CYRIA: variants seen among roughly 807,000 people sequenced by gnomAD.
CYRIA encodes CYFIP-related Rac1 interactor A.
CYRIA carries 15 observed loss-of-function variants against 43.9 expected under a neutral mutation model. The ratio of observed to expected loss-of-function variants is 0.34; its 90% confidence interval spans 0.23 to 0.53. The LOEUF (loss-of-function observed/expected upper bound fraction) is 0.53, where lower values mean the gene tolerates loss of function less well. CYRIA is among the 20% of genes least tolerant of loss of function. The pLI, the probability that CYRIA is intolerant of heterozygous loss-of-function variation, is 0.94. For synonymous variants in CYRIA, 117 were observed against 136.0 expected (o/e 0.86, Z 0.97); for missense variants, 236 against 394.2 (o/e 0.60, Z 3.40).
At chr2:16,558,745 G>A (rs1234418938) in intron 10 of CYRIA, among the ~76,000 whole-genome samples, 4 of 152,134 alleles carry the variant, frequency 2.6e-5, no homozygotes, top group African/African-American at 9.7e-5. Flanking sequence ...GGTACTGTGT[G>A]AGGCAATAGA....
chr2:16,631,995 C>T (rs55986760), intron 1 of CYRIA, among the ~76,000 whole-genome samples: 5,766 of 152,304 alleles, frequency 0.038, 135 homozygotes, highest in Middle Eastern at 0.12. Flanking sequence ...CTGAGTCCCA[C>T]AGACCACCTC....
At chr2:16,561,654 G>T in intron 6 of CYRIA, 121 bp from the exon 7 acceptor site, 1 of 753,136 alleles carries the variant, frequency 1.3e-6, no homozygotes, top group Non-Finnish European at 2.2e-6. Flanking sequence ...TTACATAAGA[G>T]TCAAAGCAAC....
At chr2:16,608,515 C>T (rs755598113) in intron 2 of CYRIA, among the ~76,000 whole-genome samples, 10 of 152,132 alleles carry the variant, frequency 6.6e-5, no homozygotes, top group Non-Finnish European at 1.5e-4. Flanking sequence ...GTGTGGACCA[C>T]GGACTAAGCT....
chr2:16,611,099 C>T (rs1208088491), intron 2 of CYRIA, among the ~76,000 whole-genome samples: 1 of 151,754 alleles, frequency 6.6e-6, no homozygotes, highest in Non-Finnish European at 1.5e-5. Context: ...GTGGCTCACG[C>T]CTGTAATCCC....
chr2:16,559,708 C>T, intron 9 of CYRIA, 122 bp from the exon 10 acceptor site: 1 of 1,083,580 alleles, frequency 9.2e-7, no homozygotes, highest in Non-Finnish European at 1.3e-6. Flanking sequence ...AGACCTGCAA[C>T]AACCAGTTAA....
chr2:16,658,666 C>T (rs1357038095), intron 1 of CYRIA, among the ~76,000 whole-genome samples: 1 of 152,176 alleles, frequency 6.6e-6, no homozygotes, highest in Non-Finnish European at 1.5e-5. Flanking sequence ...CTCTTTCTTC[C>T]TCTTTTCCTG....
At chr2:16,612,340 G>A (rs1477393157) in intron 2 of CYRIA, among the ~76,000 whole-genome samples, 1 of 151,398 alleles carries the variant, frequency 6.6e-6, no homozygotes, top group Non-Finnish European at 1.5e-5. Context: ...ATAGGAAGAA[G>A]GAAGGAAGGA....
chr2:16,612,471 T>C (rs950950652), intron 2 of CYRIA, among the ~76,000 whole-genome samples: 4 of 152,178 alleles, frequency 2.6e-5, no homozygotes, highest in African/African-American at 9.7e-5. Context: ...AAAGATCTCA[T>C]GCTATGCTTG....
chr2:16,588,111 G>A lies in CYRIA; in HGVS notation c.9C>T (p.Asn3=). 1 of 1,604,982 alleles carries A rather than the reference G, an allele frequency of 6.2e-7. No individual in the cohort carries two copies. The highest frequency in any genetic ancestry group is 1.3e-5 in the African/African-American group (1 of 74,514). MG[N]LLKVLTREIE... The stretch of plus-strand genomic sequence containing the variant: ...TTTCCCTGGTAAGGACTTTGAGCAG[G>A]TTTCCCATCCCAGCAAACCTAGGAA... The change falls in exon 3 of 12, where the codon AAC becomes AAT. Residue 3 remains asparagine, a synonymous_variant. Coordinates refer to ENST00000381323, the MANE Select transcript of CYRIA (RefSeq NM_030797.4).
At chr2:16,631,428 G>A (rs1572190292) in intron 1 of CYRIA, among the ~76,000 whole-genome samples, 1 of 152,352 alleles carries the variant, frequency 6.6e-6, no homozygotes, top group East Asian at 1.9e-4. Context: ...GCTGTTGTCA[G>A]GCTGTGGAGG....
At chr2:16,581,794 T>C (rs1667558866) in intron 3 of CYRIA, among the ~76,000 whole-genome samples, 1 of 152,044 alleles carries the variant, frequency 6.6e-6, no homozygotes, top group South Asian at 2.1e-4. Flanking sequence ...AAACGGGAAA[T>C]AGCCCATATG....
intron 2 of CYRIA, among the ~76,000 whole-genome samples, chr2:16,619,329 G>A (rs1233541297): frequency 6.6e-6 from 1 of 152,040 alleles, no homozygotes; most frequent in Admixed American, 6.6e-5. Context: ...GTAGGTACAT[G>A]CATATGTACA....
intron 1 of CYRIA, among the ~76,000 whole-genome samples, chr2:16,634,528 CTG>C (rs1185088431): frequency 1.3e-5 from 2 of 152,232 alleles, no homozygotes; most frequent in Non-Finnish European, 2.9e-5. Context: ...AATGGAAAGA[CTG>C]TGAAAAGAAA....
At position 16,562,051 on chromosome 2, in the gene CYRIA, T is replaced by C. The variant is rs1416348970; in HGVS notation, c.389A>G (p.Glu130Gly). 4 of 1,613,418 alleles carry C rather than the reference T, an allele frequency of 2.5e-6. No individual in the cohort carries two copies. The highest frequency in any genetic ancestry group is 3.4e-6 in the Non-Finnish European group (4 of 1,179,620). ...HLEREQALAK[E>G]FAEILHFTLR... ...GGTAAAATGTAAAATTTCGGCAAAC[T>C]CCTTTGCCAGGGCCTGTTCCCTTTC... is the stretch of plus-strand genomic sequence containing the variant. Residue 130 changes from glutamate to glycine, a missense_variant, in exon 6 of 12, where the codon GAG becomes GGG. Coordinates refer to ENST00000381323, the MANE Select transcript of CYRIA (RefSeq NM_030797.4).
At chr2:16,628,923 G>A (rs1324050596) in intron 1 of CYRIA, among the ~76,000 whole-genome samples, 1 of 152,170 alleles carries the variant, frequency 6.6e-6, no homozygotes. Flanking sequence ...GTCATGTTAT[G>A]GTTTGAGAAG....
At chr2:16,589,071 A>T (rs1667832783) in intron 2 of CYRIA, among the ~76,000 whole-genome samples, 1 of 152,110 alleles carries the variant, frequency 6.6e-6, no homozygotes, top group African/African-American at 2.4e-5. Context: ...CAATCCACTC[A>T]TTCATTCAAC....
chr2:16,578,093 T>C (rs995233350), intron 3 of CYRIA, among the ~76,000 whole-genome samples: 1 of 152,198 alleles, frequency 6.6e-6, no homozygotes, highest in Admixed American at 6.5e-5. Context: ...TTCTGAAGCC[T>C]GAAGATGTGA....
chr2:16,554,428 G>A (rs1049848481), intron 11 of CYRIA, among the ~76,000 whole-genome samples: 7 of 152,178 alleles, frequency 4.6e-5, no homozygotes, highest in African/African-American at 1.7e-4. Context: ...GAAAGCAGCT[G>A]CCTAGGCATC....
intron 1 of CYRIA, among the ~76,000 whole-genome samples, chr2:16,662,560 G>C (rs560885299): frequency 4.3e-4 from 65 of 152,288 alleles, no homozygotes; most frequent in African/African-American, 1.5e-3. Flanking sequence ...AATTCATGCA[G>C]CTCCTGAGAC....
Sources: gnomAD v4.1 joint callset for allele counts (sites outside exome capture counted in the v4.1 genomes callset) on GRCh38, gnomAD v4.1.1 for gene constraint, MANE v1.5 for transcripts, NCBI Gene and HGNC (gene_info 2026-07-23, HGNC 2026-07-21) for gene names.